Variants in KIF1A observed in about 807,000 individuals in gnomAD.
The protein encoded by KIF1A is kinesin-like protein KIF1A.
In KIF1A, 46 loss-of-function variants were observed where a neutral mutation model predicts 227.3. The observed-to-expected ratio is 0.20, with a 90% CI of 0.16 to 0.26. KIF1A has a LOEUF of 0.26. KIF1A is among the 10% of genes least tolerant of loss of function. The pLI is 1.00. For synonymous variants in KIF1A, 1,022 were observed against 1,012.8 expected (o/e 1.01, Z -0.17); for missense variants, 1,683 against 2,485.9 (o/e 0.68, Z 6.87).
chr2:240,810,776 T>C (rs2057804671), intron 1 of KIF1A, among the ~76,000 whole-genome samples: 2 of 152,164 alleles, frequency 1.3e-5, no homozygotes, highest in Admixed American at 1.3e-4. Context: ...TTCATGGTGC[T>C]GGGCGTGGAG....
At chr2:240,733,943 T>G (rs867537613) in intron 38 of KIF1A, among the ~76,000 whole-genome samples, 9 of 152,294 alleles carry the variant, frequency 5.9e-5, no homozygotes, top group African/African-American at 1.2e-4. Flanking sequence ...TTGGAGGCCC[T>G]CCATCCCCAA....
intron 42 of KIF1A, 139 bp downstream of exon 42, chr2:240,723,274 C>T (rs2045624169): frequency 1.3e-6 from 1 of 749,144 alleles, no homozygotes; most frequent in Non-Finnish European, 2.2e-6. Flanking sequence ...ACATGCTCCT[C>T]CTGCAGGTGG....
At chr2:240,756,689 G>C (rs1452151274) in intron 27 of KIF1A, among the ~76,000 whole-genome samples, 1 of 152,246 alleles carries the variant, frequency 6.6e-6, no homozygotes, top group African/African-American at 2.4e-5. Flanking sequence ...AGAGGGAGAT[G>C]GGAGGGTTAG....
At position 240,778,418 on chromosome 2, in the gene KIF1A, C is replaced by T. The variant is rs760300897; in HGVS notation, c.883-2492G>A. On this transcript the variant is annotated intron_variant, in intron 10 of 48. Coordinates refer to ENST00000498729, the MANE Select transcript of KIF1A (RefSeq NM_001244008.2). The surrounding 1 kb of genome is among the most constrained non-coding windows in gnomAD (Gnocchi z 7.2). ...CCAGAGAAACTTGCCCACATTCCTC[C>T]AACATTTCCTAACACGGCTCCCCAC... Among the ~76,000 whole-genome samples the T allele has an allele frequency of 6.6e-6, 1 of 151,754 alleles. No homozygotes were observed. Among genetic ancestry groups the T allele is most frequent in the Non-Finnish European group, 1.5e-5 (1 of 67,954 alleles).
At chr2:240,806,848 T>C (rs1454981590) in intron 1 of KIF1A, among the ~76,000 whole-genome samples, 1 of 152,168 alleles carries the variant, frequency 6.6e-6, no homozygotes, top group East Asian at 1.9e-4. Context: ...AGACACTTCT[T>C]ATAGGTGAGT....
intron 14 of KIF1A, among the ~76,000 whole-genome samples, chr2:240,771,557 G>A (rs1428589117): frequency 2.6e-5 from 4 of 152,158 alleles, no homozygotes; most frequent in African/African-American, 4.8e-5. Context: ...TGAGGGCTGG[G>A]AGCCAGTCCT....
chr2:240,753,820 G>A (rs1225971152), intron 27 of KIF1A, among the ~76,000 whole-genome samples: 1 of 152,122 alleles, frequency 6.6e-6, no homozygotes, highest in Non-Finnish European at 1.5e-5. Flanking sequence ...TCGCACAGAG[G>A]ACGACCCTGA....
intron 1 of KIF1A, among the ~76,000 whole-genome samples, chr2:240,798,829 A>G (rs1466850743): frequency 6.6e-6 from 1 of 152,200 alleles, no homozygotes; most frequent in South Asian, 2.1e-4. Flanking sequence ...ACTCCATGAA[A>G]CAGAATTCAT....
chr2:240,800,115 C>CACAT (rs1553640872), intron 1 of KIF1A, among the ~76,000 whole-genome samples: 1 of 148,640 alleles, frequency 6.7e-6, no homozygotes, highest in African/African-American at 2.6e-5. Flanking sequence ...GACACACACA[C>CACAT]ACACACACAC....
At chr2:240,777,641 C>T (rs866869364) in intron 10 of KIF1A, among the ~76,000 whole-genome samples, 8 of 152,196 alleles carry the variant, frequency 5.3e-5, no homozygotes, top group Non-Finnish European at 8.8e-5. Flanking sequence ...CCGTCACCAG[C>T]GCACATGGCC....
intron 11 of KIF1A, among the ~76,000 whole-genome samples, chr2:240,774,542 C>T (rs1381112477): frequency 2.0e-5 from 3 of 152,058 alleles, no homozygotes; most frequent in Non-Finnish European, 4.4e-5. Context: ...ACCATCAGGC[C>T]TTCCTTTCCC....
rs905188725 is a variant in KIF1A at position 240,736,151 on chromosome 2, G to A, written c.4007+912C>T. On this transcript the variant is annotated intron_variant, in intron 38 of 48. Transcript: ENST00000498729. This position sits in a 1 kb window ranked among gnomAD's most constrained non-coding sequence, Gnocchi z 4.7. ...CCAAGTCAGAAGAATAGGAGACGAC[G>A]CCCGCCAGGACCCTCCTTCCTTATG... Among the ~76,000 whole-genome samples, 2 of 152,074 alleles carry A rather than the reference G, an allele frequency of 1.3e-5. No individual in the cohort carries two copies. The highest frequency in any genetic ancestry group is 2.9e-5 in the Non-Finnish European group (2 of 68,010).
chr2:240,731,338 A>G (rs1048273191), intron 38 of KIF1A, among the ~76,000 whole-genome samples: 4 of 152,226 alleles, frequency 2.6e-5, no homozygotes, highest in African/African-American at 7.2e-5. Flanking sequence ...AGACAGCTGC[A>G]TCCTGTCCCC....
In KIF1A at chr2:240,817,273, T is replaced by A. The variant is rs547089212; in HGVS notation, c.-61+2849A>T. ...GGGCAGGGTGTGGCCCAGCCCCCCA[T>A]GGTTCTCAGAGACGCTCCTGGGCAT... On this transcript the variant is annotated intron_variant, in intron 1 of 48. Coordinates refer to ENST00000498729, the MANE Select transcript of KIF1A (RefSeq NM_001244008.2). Among the ~76,000 whole-genome samples, 245 of 152,194 alleles carry A rather than the reference T, an allele frequency of 1.6e-3. 1 individual carries two copies. The highest frequency in any genetic ancestry group is 5.6e-3 in the African/African-American group (233 of 41,534).
chr2:240,797,878 C>T (rs1332229962), intron 1 of KIF1A, 66 bp from the exon 2 acceptor site: 2 of 628,918 alleles, frequency 3.2e-6, no homozygotes, highest in South Asian at 1.9e-5. Context: ...ACTCCGGCTG[C>T]AGCTGAAGCC....
intron 2 of KIF1A, among the ~76,000 whole-genome samples, chr2:240,794,385 G>T (rs561793696): frequency 6.6e-6 from 1 of 152,238 alleles, no homozygotes; most frequent in East Asian, 1.9e-4. Context: ...TCCCATGCAC[G>T]TGCACATCCA....
chr2:240,744,117 G>A (rs1444524412), intron 32 of KIF1A, 57 bp from the exon 33 acceptor site: 4 of 1,168,306 alleles, frequency 3.4e-6, no homozygotes, highest in South Asian at 1.2e-5. Flanking sequence ...ATTCAAGGGG[G>A]AAGGAGAGTC....
rs910002914 is a variant in KIF1A at position 240,715,801 on chromosome 2, C to T, written c.*1563G>A. The T allele has an allele frequency of 1.3e-5, 2 of 152,336 alleles. No homozygotes were observed. Among genetic ancestry groups the T allele is most frequent in the African/African-American group, 4.8e-5 (2 of 41,428 alleles). 9.4% of individuals were successfully genotyped at this position (152,336 alleles called of 1,614,324 possible). Reference sequence around the variant, plus strand: ...GAACCAGTGGGGTGCTGCGTTTCCCCCACTCCAGGAGGCAGGATCTGATGA... The same window carrying T: ...GAACCAGTGGGGTGCTGCGTTTCCCTCACTCCAGGAGGCAGGATCTGATGA... On this transcript the variant is annotated 3_prime_UTR_variant, in exon 49 of 49. Transcript: ENST00000498729.
intron 2 of KIF1A, among the ~76,000 whole-genome samples, chr2:240,796,844 C>G (rs574689613): frequency 4.6e-5 from 7 of 152,172 alleles, no homozygotes; most frequent in Admixed American, 2.0e-4. Flanking sequence ...GAGCAGGCCT[C>G]GGAGACTAAA....
Sources: gnomAD v4.1 joint callset for allele counts (sites outside exome capture counted in the v4.1 genomes callset) on GRCh38, gnomAD v4.1.1 for gene constraint, Gnocchi (gnomAD v3.1) non-coding constraint, MANE v1.5 for transcripts, NCBI Gene and HGNC (gene_info 2026-07-23, HGNC 2026-07-21) for gene names.